RFX8: variants seen among roughly 807,000 people sequenced by gnomAD.
The protein encoded by RFX8 is DNA-binding protein RFX8.
RFX8 carries 46 observed loss-of-function variants against 54.6 expected under a neutral mutation model. The ratio of observed to expected loss-of-function variants is 0.84; its 90% CI spans 0.67 to 1.08. The LOEUF (loss-of-function observed/expected upper bound fraction) is 1.08. RFX8 is among the 50% of genes least tolerant of loss of function. The pLI, the probability that RFX8 is intolerant of heterozygous loss-of-function variation, is 0.00. For synonymous variants in RFX8, 192 were observed against 209.5 expected (o/e 0.92, Z 0.72); for missense variants, 536 against 562.3 (o/e 0.95, Z 0.47).
At chr2:101,405,748 TTGAC>T (rs1323789574) in intron 10 of RFX8, among the ~76,000 whole-genome samples, 191 bp downstream of exon 10, 2 of 152,160 alleles carry the variant, frequency 1.3e-5, no homozygotes, top group Non-Finnish European at 1.5e-5. Context: ...GTCCATCTGT[TTGAC>T]AGACTATCAC....
At chr2:101,460,652 C>T (rs944181898) in intron 2 of RFX8, among the ~76,000 whole-genome samples, 14 of 151,710 alleles carry the variant, frequency 9.2e-5, no homozygotes, top group Non-Finnish European at 1.5e-5. Flanking sequence ...TTGGAGCTGT[C>T]AAGTAATTAC....
chr2:101,474,094 A>C (rs1438227371), intron 1 of RFX8: 10 of 511,636 alleles, frequency 2.0e-5, no homozygotes, highest in African/African-American at 6.1e-5. Flanking sequence ...GCCGCTCCTC[A>C]CACCCGGCTT....
At chr2:101,437,201 A>T (rs1429606484) in intron 2 of RFX8, among the ~76,000 whole-genome samples, 1 of 152,180 alleles carries the variant, frequency 6.6e-6, no homozygotes, top group Admixed American at 6.5e-5. Flanking sequence ...GCACTTTGGG[A>T]GGCTGAGGCA....
intron 2 of RFX8, among the ~76,000 whole-genome samples, chr2:101,441,523 C>A (rs1297937491): frequency 6.6e-6 from 1 of 152,196 alleles, no homozygotes; most frequent in African/African-American, 2.4e-5. Flanking sequence ...AAGGCCCTCA[C>A]TGGATGTGGC....
chr2:101,446,804 G>C (rs1036695736), intron 2 of RFX8, among the ~76,000 whole-genome samples: 2 of 151,012 alleles, frequency 1.3e-5, no homozygotes, highest in African/African-American at 4.9e-5. Flanking sequence ...TAGGTGCCAG[G>C]GGGTGGGGGT....
chr2:101,412,875 C>A, intron 8 of RFX8, 40 bp downstream of exon 8: 1 of 1,529,974 alleles, frequency 6.5e-7, no homozygotes, highest in Non-Finnish European at 8.8e-7. Context: ...CAAATCTATG[C>A]CCAACACGCC....
intron 2 of RFX8, among the ~76,000 whole-genome samples, chr2:101,458,348 T>C (rs7592380): frequency 0.34 from 52,263 of 151,858 alleles, 9,616 homozygotes; most frequent in African/African-American, 0.44. Context: ...GTGACTGGTA[T>C]CGGCTGTTTG....
At chr2:101,465,618 A>G (rs963957605) in intron 2 of RFX8, among the ~76,000 whole-genome samples, 1 of 152,186 alleles carries the variant, frequency 6.6e-6, no homozygotes, top group Non-Finnish European at 1.5e-5. Flanking sequence ...TAATTACATG[A>G]TGATAACAGT....
At chr2:101,451,446 G>A (rs573341343) in intron 2 of RFX8, among the ~76,000 whole-genome samples, 24 of 152,218 alleles carry the variant, frequency 1.6e-4, no homozygotes, top group Non-Finnish European at 3.2e-4. Flanking sequence ...TCAGCACTTT[G>A]GGAGGCTGAG....
chr2:101,421,210 T>C (rs1440729585), intron 4 of RFX8: 23 of 978,382 alleles, frequency 2.4e-5, no homozygotes, highest in Middle Eastern at 5.3e-4. Flanking sequence ...ACTTGTTTCC[T>C]TGGATTTTCA....
At chr2:101,467,614 C>T (rs1360967601) in intron 1 of RFX8, among the ~76,000 whole-genome samples, 4 of 152,210 alleles carry the variant, frequency 2.6e-5, no homozygotes, top group Non-Finnish European at 5.9e-5. Context: ...CCTGCAGTGC[C>T]TGTGACCTCT....
chr2:101,457,726 G>A (rs139312244), intron 2 of RFX8, among the ~76,000 whole-genome samples: 3,121 of 152,282 alleles, frequency 0.02, 108 homozygotes, highest in African/African-American at 0.071. Flanking sequence ...TATTAGGTCT[G>A]CTTGGTGCAG....
intron 7 of RFX8, 113 bp from the exon 8 acceptor site, chr2:101,413,184 T>C (rs12620464): frequency 0.14 from 104,730 of 767,386 alleles, 7,837 homozygotes; most frequent in African/African-American, 0.22. Context: ...AACATTGATG[T>C]GGATATTACC....
chr2:101,401,132 C>T (rs569018382), intron 11 of RFX8, among the ~76,000 whole-genome samples: 2 of 152,270 alleles, frequency 1.3e-5, no homozygotes, highest in South Asian at 2.1e-4. Context: ...TACAGACAAA[C>T]GTTGGAATCT....
Position 101,401,259 on chromosome 2 carries a change from CTGTTTTGTTT to C in RFX8, c.1245+1167_1245+1176del, listed in dbSNP as rs534901932. ...CCTGAGAGATGCATTTCCCCGGCTCCTGTTTTGTTTTGTTTTGTTTTGTTTTTTTGGTCTA... is the reference window on the plus strand; with the variant it reads ...CCTGAGAGATGCATTTCCCCGGCTCCTGTTTTGTTTTGTTTTTTTGGTCTA... On this transcript the variant is annotated intron_variant, in intron 11 of 11. Coordinates refer to ENST00000428343, the MANE Select transcript of RFX8 (RefSeq NM_001145664.2). 2.6e-3 allele frequency among the ~76,000 whole-genome samples: 403 copies of C among 152,246 alleles called. 1 individual carries two copies. Among genetic ancestry groups the C allele is most frequent in the Non-Finnish European group, 4.8e-3 (324 of 68,012 alleles).
At chr2:101,450,567 C>T (rs1688619762) in intron 2 of RFX8, 7 of 1,206,090 alleles carry the variant, frequency 5.8e-6, no homozygotes, top group Admixed American at 4.0e-5. Context: ...GACCCAAGAC[C>T]AAAGTGCCAA....
intron 11 of RFX8, among the ~76,000 whole-genome samples, chr2:101,401,229 G>C (rs1014114671): frequency 1.3e-5 from 2 of 152,320 alleles, no homozygotes; most frequent in Middle Eastern, 3.4e-3. Flanking sequence ...TAGAGAACTG[G>C]TAAACCTGAG....
chr2:101,457,932 C>G (rs987705203), intron 2 of RFX8, among the ~76,000 whole-genome samples: 7 of 152,334 alleles, frequency 4.6e-5, no homozygotes, highest in African/African-American at 1.7e-4. Flanking sequence ...GTTAGCTCTT[C>G]TTGTTGAATT....
chr2:101,428,207 C>T (rs909453861), intron 2 of RFX8, among the ~76,000 whole-genome samples: 7 of 152,162 alleles, frequency 4.6e-5, no homozygotes, highest in East Asian at 1.9e-4. Context: ...GCAGGAGAAT[C>T]GCTTGAACCA....
Sources: allele counts gnomAD v4.1 joint callset (sites outside exome capture counted in the v4.1 genomes callset), GRCh38; gene constraint gnomAD v4.1.1; transcripts MANE v1.5; gene names NCBI Gene and HGNC (gene_info 2026-07-23, HGNC 2026-07-21).